The following CSMD1 variants were observed in gnomAD, a reference collection of about 807,000 sequenced individuals.
The protein encoded by CSMD1 is CUB and Sushi multiple domains 1.
In CSMD1, 213 loss-of-function variants were observed where a neutral mutation model predicts 417.5. The observed-to-expected ratio is 0.51, with a 90% CI of 0.46 to 0.57. CSMD1 has a LOEUF of 0.57. Ranked by LOEUF, CSMD1 falls within the 20% of genes least tolerant of loss-of-function variation. The pLI, the probability that CSMD1 is intolerant of heterozygous loss-of-function variation, is 0.00. For synonymous variants in CSMD1, 2,862 were observed against 1,736.8 expected (o/e 1.65, Z -16.11); for missense variants, 6,923 against 4,529.7 (o/e 1.53, Z -15.17).
chr8:3,734,247 A>C (rs1584919994), intron 6 of CSMD1, among the ~76,000 whole-genome samples: 1 of 152,206 alleles, frequency 6.6e-6, no homozygotes, highest in Non-Finnish European at 1.5e-5. Flanking sequence ...CTTCCTACTC[A>C]GCACCATTCC....
intron 6 of CSMD1, among the ~76,000 whole-genome samples, chr8:3,716,565 G>C (rs1267895428): frequency 1.3e-5 from 2 of 152,114 alleles, no homozygotes; most frequent in Admixed American, 6.6e-5. Flanking sequence ...CCCCGTCTTG[G>C]TTTCGGGAGA....
At chr8:3,243,489 G>C (rs1451231732) in intron 26 of CSMD1, among the ~76,000 whole-genome samples, 1 of 151,376 alleles carries the variant, frequency 6.6e-6, no homozygotes, top group South Asian at 2.1e-4. Flanking sequence ...CTGGGGGGCA[G>C]GTGTGGAGGG....
At chr8:3,411,781 C>A (rs1411181169) in intron 12 of CSMD1, among the ~76,000 whole-genome samples, 1 of 109,794 alleles carries the variant, frequency 9.1e-6, no homozygotes, top group Non-Finnish European at 1.9e-5. Flanking sequence ...TGTGTATATA[C>A]CTGTATATAT....
intron 12 of CSMD1, among the ~76,000 whole-genome samples, chr8:3,450,445 A>C (rs1815625967): frequency 6.6e-6 from 1 of 151,820 alleles, no homozygotes; most frequent in South Asian, 2.1e-4. Context: ...ATATCTCCTA[A>C]AGCTATCCCT....
chr8:4,021,478 C>A (rs1175760618), intron 4 of CSMD1, among the ~76,000 whole-genome samples: 1 of 152,136 alleles, frequency 6.6e-6, no homozygotes, highest in African/African-American at 2.4e-5. Context: ...AAGCGTGTGG[C>A]AGTTGAATCC....
At chr8:4,005,134 G>A (rs113349895) in intron 4 of CSMD1, among the ~76,000 whole-genome samples, 6 of 152,114 alleles carry the variant, frequency 3.9e-5, no homozygotes, top group African/African-American at 1.4e-4. Flanking sequence ...TGGAGATTTG[G>A]GGGGAAGAGT....
chr8:3,823,778 T>C (rs945841505), intron 5 of CSMD1, among the ~76,000 whole-genome samples: 2 of 152,138 alleles, frequency 1.3e-5, no homozygotes, highest in Non-Finnish European at 2.9e-5. Context: ...CTTTTGTCAG[T>C]CTTGGTCAGT....
intron 1 of CSMD1, among the ~76,000 whole-genome samples, chr8:4,663,305 G>C (rs369234195): frequency 6.6e-6 from 1 of 152,168 alleles, no homozygotes; most frequent in South Asian, 2.1e-4. Flanking sequence ...ATTGGACAAA[G>C]CCCATCTTTT....
At chr8:3,235,690 T>G (rs1799108117) in intron 26 of CSMD1, among the ~76,000 whole-genome samples, 1 of 152,178 alleles carries the variant, frequency 6.6e-6, no homozygotes, top group Admixed American at 6.6e-5. Flanking sequence ...GTAGAAACAG[T>G]GCCTTGCACT....
At chr8:3,112,165 T>C (rs1450476121) in intron 42 of CSMD1, among the ~76,000 whole-genome samples, 1 of 151,934 alleles carries the variant, frequency 6.6e-6, no homozygotes, top group Non-Finnish European at 1.5e-5. Context: ...GTCCCTACTG[T>C]CTAGCTCAGG....
At chr8:4,185,831 A>G (rs1363645982) in intron 3 of CSMD1, among the ~76,000 whole-genome samples, 1 of 152,214 alleles carries the variant, frequency 6.6e-6, no homozygotes, top group African/African-American at 2.4e-5. Flanking sequence ...AGTGCCCTGC[A>G]TAAGCATGCA....
chr8:4,333,526 T>C (rs985905950), intron 3 of CSMD1, among the ~76,000 whole-genome samples: 6 of 152,150 alleles, frequency 3.9e-5, no homozygotes, highest in African/African-American at 1.4e-4. Flanking sequence ...CATAAAGTGC[T>C]TAAACAGTGA....
intron 1 of CSMD1, among the ~76,000 whole-genome samples, chr8:4,821,484 T>C (rs908205183): frequency 1.9e-4 from 29 of 152,312 alleles, no homozygotes; most frequent in Non-Finnish European, 1.2e-4. Flanking sequence ...CGCACTTTTC[T>C]CATATTTCAT....
intron 2 of CSMD1, among the ~76,000 whole-genome samples, chr8:4,539,848 C>CT (rs1389147489): frequency 1.3e-5 from 2 of 152,142 alleles, no homozygotes; most frequent in African/African-American, 2.4e-5. Flanking sequence ...TTCCCAAACT[C>CT]TTTTCTGGGT....
intron 2 of CSMD1, among the ~76,000 whole-genome samples, chr8:4,539,993 AG>A (rs968772611): frequency 2.0e-5 from 3 of 152,126 alleles, no homozygotes; most frequent in African/African-American, 7.2e-5. Context: ...ATGGCTATTG[AG>A]CCGCTCACCG....
intron 51 of CSMD1, among the ~76,000 whole-genome samples, chr8:3,023,918 C>A (rs1029362149): frequency 1.3e-5 from 2 of 151,412 alleles, no homozygotes; most frequent in Non-Finnish European, 2.9e-5. Context: ...GTGATGCTAC[C>A]CTTGAAGATT....
At chr8:3,903,116 C>CTTTGGAGA (rs753823314) in intron 5 of CSMD1, among the ~76,000 whole-genome samples, 81 of 152,236 alleles carry the variant, frequency 5.3e-4, no homozygotes, top group Admixed American at 2.4e-3. Context: ...AGGTGGAGAC[C>CTTTGGAGA]TTCTTACTGG....
chr8:3,945,178 CAAAAA>C (rs138900503), intron 5 of CSMD1, among the ~76,000 whole-genome samples: 246 of 118,916 alleles, frequency 2.1e-3, no homozygotes, highest in African/African-American at 7.1e-3. Context: ...ATGAGAAAGA[CAAAAA>C]AAAAAAAAAA....
At chr8:3,075,118 C>T (rs1244083081) in intron 49 of CSMD1, among the ~76,000 whole-genome samples, 1 of 152,094 alleles carries the variant, frequency 6.6e-6, no homozygotes, top group Non-Finnish European at 1.5e-5. Context: ...GTGCCTGATC[C>T]CCCTTCACCT....
Sources: allele counts gnomAD v4.1 joint callset (sites outside exome capture counted in the v4.1 genomes callset), GRCh38; gene constraint gnomAD v4.1.1; transcripts MANE v1.5; gene names NCBI Gene and HGNC (gene_info 2026-07-23, HGNC 2026-07-21).